Variants in GALNT17 observed in about 807,000 individuals in gnomAD.
GALNT17 encodes the protein polypeptide N-acetylgalactosaminyltransferase 17.
Under a neutral mutation model 63.7 loss-of-function variants are expected in GALNT17, and 29 were observed. That is an observed-to-expected ratio of 0.46 (90% CI 0.34 to 0.62). The LOEUF (loss-of-function observed/expected upper bound fraction) is 0.62, where lower values mean the gene tolerates loss of function less well. Ranked by LOEUF, GALNT17 falls within the 20% of genes least tolerant of loss-of-function variation. The pLI is 0.01. For missense variants in GALNT17, 603 were observed against 799.6 expected (o/e 0.75, Z 2.97); for synonymous variants, 305 against 318.3 (o/e 0.96, Z 0.45).
chr7:71,628,235 A>G (rs1790403902), intron 6 of GALNT17, among the ~76,000 whole-genome samples: 3 of 152,220 alleles, frequency 2.0e-5, no homozygotes, highest in African/African-American at 7.2e-5. Flanking sequence ...AAATAGGAAA[A>G]AGAGAAACAA....
At chr7:71,279,172 C>T (rs1400035032) in intron 1 of GALNT17, among the ~76,000 whole-genome samples, 3 of 151,882 alleles carry the variant, frequency 2.0e-5, no homozygotes, top group African/African-American at 7.3e-5. Context: ...ATCTGCCCGC[C>T]TTGGCCTCCC....
intron 3 of GALNT17, among the ~76,000 whole-genome samples, chr7:71,398,837 AT>A (rs1426657798): frequency 6.6e-6 from 1 of 152,236 alleles, no homozygotes; most frequent in Admixed American, 6.5e-5. Context: ...ATTTCATGTT[AT>A]GTCCATTTTA....
chr7:71,234,369 C>G (rs1258943587), intron 1 of GALNT17, among the ~76,000 whole-genome samples: 1 of 152,164 alleles, frequency 6.6e-6, no homozygotes, highest in Admixed American at 6.5e-5. Flanking sequence ...TCAAGCTATT[C>G]TTGTGGCTCA....
At chr7:71,527,195 C>G (rs1788638542) in intron 5 of GALNT17, among the ~76,000 whole-genome samples, 1 of 152,056 alleles carries the variant, frequency 6.6e-6, no homozygotes, top group Admixed American at 6.6e-5. Context: ...TATATGAAAA[C>G]ATCACCCATA....
chr7:71,155,677 C>T (rs1431497759), intron 1 of GALNT17, among the ~76,000 whole-genome samples: 1 of 151,682 alleles, frequency 6.6e-6, no homozygotes, highest in Admixed American at 6.6e-5. Flanking sequence ...TAAGAGACTA[C>T]TGATTTTCTA....
chr7:71,656,699 A>C (rs1471478364), intron 6 of GALNT17, among the ~76,000 whole-genome samples: 1 of 151,956 alleles, frequency 6.6e-6, no homozygotes, highest in East Asian at 1.9e-4. Flanking sequence ...ATGTGAAAGG[A>C]AGTGGATGCA....
chr7:71,225,323 G>A (rs1789661427), intron 1 of GALNT17, among the ~76,000 whole-genome samples: 1 of 152,216 alleles, frequency 6.6e-6, no homozygotes, highest in Non-Finnish European at 1.5e-5. Context: ...TTCAGGTAGA[G>A]CATGCACTAG....
intron 2 of GALNT17, among the ~76,000 whole-genome samples, chr7:71,351,122 C>G (rs1357585546): frequency 6.6e-6 from 1 of 150,968 alleles, no homozygotes; most frequent in Admixed American, 6.7e-5. Flanking sequence ...GCCTGGGTGA[C>G]AAGAGAGAAA....
intron 5 of GALNT17, among the ~76,000 whole-genome samples, chr7:71,478,426 C>A (rs1180578403): frequency 6.6e-6 from 1 of 151,976 alleles, no homozygotes; most frequent in African/African-American, 2.4e-5. Context: ...CAATCCTCCC[C>A]CCTCAGCCTC....
At chr7:71,623,936 A>G (rs570589043) in intron 6 of GALNT17, among the ~76,000 whole-genome samples, 1 of 152,328 alleles carries the variant, frequency 6.6e-6, no homozygotes, top group Non-Finnish European at 1.5e-5. Context: ...ATGGATCTAT[A>G]GTGGACCAAG....
In GALNT17 at chr7:71,186,288, A is replaced by T. The variant is rs111237890; in HGVS notation, c.238+53248A>T. On this transcript the variant is annotated intron_variant, in intron 1 of 10. Transcript: ENST00000333538. ...TTTATCCTCTCCAAGAGGAGGGGGA[A>T]CTCTTATCTACTTGGTTCAGAAGCT... Among the ~76,000 whole-genome samples, 110 of 151,848 alleles carry T rather than the reference A, an allele frequency of 7.2e-4. 3 individuals are homozygous for T. Among genetic ancestry groups the T allele is most frequent in the African/African-American group, 2.5e-3 (104 of 41,392 alleles).
intron 1 of GALNT17, among the ~76,000 whole-genome samples, chr7:71,312,478 T>G (rs1306753363): frequency 6.6e-6 from 1 of 152,220 alleles, no homozygotes; most frequent in East Asian, 1.9e-4. Context: ...TGTGGATTAG[T>G]GTATTCTGAG....
At chr7:71,709,900 A>G (rs1791768518) in intron 9 of GALNT17, among the ~76,000 whole-genome samples, 1 of 152,092 alleles carries the variant, frequency 6.6e-6, no homozygotes, top group Admixed American at 6.6e-5. Flanking sequence ...AGCCTGGCCT[A>G]ATCTCTTTTG....
intron 5 of GALNT17, among the ~76,000 whole-genome samples, chr7:71,514,238 G>A (rs1788411241): frequency 6.6e-6 from 1 of 152,092 alleles, no homozygotes; most frequent in Non-Finnish European, 1.5e-5. Context: ...TGGGGTAGGT[G>A]ATATGACTCT....
intron 1 of GALNT17, among the ~76,000 whole-genome samples, chr7:71,216,872 C>A (rs1309323681): frequency 1.3e-5 from 2 of 151,908 alleles, no homozygotes; most frequent in Non-Finnish European, 2.9e-5. Context: ...AACTTTAATA[C>A]CTTAGTCATT....
chr7:71,187,381 C>T (rs1022390674), intron 1 of GALNT17, among the ~76,000 whole-genome samples: 8 of 151,416 alleles, frequency 5.3e-5, no homozygotes, highest in African/African-American at 1.7e-4. Flanking sequence ...TTTAAAAGTC[C>T]AGCCTCTTTA....
intron 1 of GALNT17, among the ~76,000 whole-genome samples, chr7:71,321,737 G>T (rs1791609408): frequency 6.7e-6 from 1 of 149,852 alleles, no homozygotes; most frequent in Non-Finnish European, 1.5e-5. Flanking sequence ...CCTCTATATT[G>T]GCTAGGCTGG....
At chr7:71,427,390 C>G (rs1315820695) in intron 5 of GALNT17, among the ~76,000 whole-genome samples, 1 of 152,046 alleles carries the variant, frequency 6.6e-6, no homozygotes, top group Non-Finnish European at 1.5e-5. Flanking sequence ...GCCACCACCA[C>G]GCCTGGCCTC....
intron 6 of GALNT17, among the ~76,000 whole-genome samples, chr7:71,602,375 A>G (rs1288748537): frequency 1.3e-5 from 2 of 152,188 alleles, no homozygotes; most frequent in African/African-American, 2.4e-5. Context: ...AGCTCCCAGC[A>G]CACACCCCAA....
Sources: gnomAD v4.1 joint callset for allele counts (sites outside exome capture counted in the v4.1 genomes callset) on GRCh38, gnomAD v4.1.1 for gene constraint, MANE v1.5 for transcripts, NCBI Gene and HGNC (gene_info 2026-07-23, HGNC 2026-07-21) for gene names.